Variants in ZBTB7C observed in about 807,000 individuals in gnomAD.
The protein encoded by ZBTB7C is zinc finger and BTB domain-containing protein 7C.
Under a neutral mutation model 25.7 loss-of-function variants are expected in ZBTB7C, and 8 were observed. The observed-to-expected ratio is 0.31, with a 90% CI of 0.18 to 0.56. The LOEUF (loss-of-function observed/expected upper bound fraction) is 0.56, where lower values mean the gene tolerates loss of function less well. ZBTB7C is among the 20% of genes least tolerant of loss of function. The probability of loss-of-function intolerance (pLI) is 0.91; values close to 1 mark genes in which losing one functional copy is unlikely to be tolerated. For missense variants in ZBTB7C, 824 were observed against 855.2 expected (o/e 0.96, Z 0.46); for synonymous variants, 394 against 369.0 (o/e 1.07, Z -0.78).
intron 1 of ZBTB7C, among the ~76,000 whole-genome samples, chr18:48,365,458 C>G (rs1012334476): frequency 6.6e-6 from 1 of 152,196 alleles, no homozygotes; most frequent in Non-Finnish European, 1.5e-5. Flanking sequence ...CTCTGTCTGG[C>G]TAGTAGAGTG....
chr18:48,126,881 T>A (rs2039819013), intron 3 of ZBTB7C, among the ~76,000 whole-genome samples: 1 of 151,808 alleles, frequency 6.6e-6, no homozygotes, highest in African/African-American at 2.4e-5. Flanking sequence ...AGAGTGACCA[T>A]CTGCAGCCTT....
At chr18:48,140,844 T>C (rs770048169) in intron 3 of ZBTB7C, among the ~76,000 whole-genome samples, 3 of 152,086 alleles carry the variant, frequency 2.0e-5, no homozygotes, top group Non-Finnish European at 4.4e-5. Context: ...GTCTCCAAAA[T>C]AGAGCTCGAA....
At chr18:48,289,694 C>G (rs904245085) in intron 2 of ZBTB7C, among the ~76,000 whole-genome samples, 1 of 151,866 alleles carries the variant, frequency 6.6e-6, no homozygotes, top group Middle Eastern at 3.4e-3. Context: ...TAATTTGTAC[C>G]CCCATGGATT....
intron 3 of ZBTB7C, among the ~76,000 whole-genome samples, chr18:48,168,281 C>T (rs2041340139): frequency 6.6e-6 from 1 of 152,212 alleles, no homozygotes; most frequent in Non-Finnish European, 1.5e-5. Context: ...CCTGGGATCC[C>T]TGCACCAAAG....
chr18:48,224,804 C>T (rs956597259), intron 2 of ZBTB7C, among the ~76,000 whole-genome samples: 1 of 152,080 alleles, frequency 6.6e-6, no homozygotes, highest in Non-Finnish European at 1.5e-5. Flanking sequence ...TTGCATAGCT[C>T]TCAGGAAGCA....
chr18:48,146,569 C>T (rs4429360), intron 3 of ZBTB7C, among the ~76,000 whole-genome samples: 108,797 of 152,036 alleles, frequency 0.72, 39,312 homozygotes, highest in Admixed American at 0.8. Context: ...TAGATAATCC[C>T]GGCATGTGAC....
chr18:48,297,629 G>A (rs1373132221), intron 2 of ZBTB7C, among the ~76,000 whole-genome samples: 3 of 152,176 alleles, frequency 2.0e-5, no homozygotes, highest in Non-Finnish European at 2.9e-5. Context: ...GCTTGGCAGC[G>A]CTGCAGTGCC....
intron 3 of ZBTB7C, among the ~76,000 whole-genome samples, chr18:48,042,911 G>A (rs981794315): frequency 1.3e-5 from 2 of 152,146 alleles, no homozygotes; most frequent in Non-Finnish European, 2.9e-5. Flanking sequence ...CATAACAACT[G>A]CAATAAAAAT....
intron 1 of ZBTB7C, among the ~76,000 whole-genome samples, chr18:48,384,476 G>C (rs889585838): frequency 6.6e-6 from 1 of 152,166 alleles, no homozygotes; most frequent in African/African-American, 2.4e-5. Context: ...TAGAATAGAG[G>C]CTATTGGAGA....
intron 3 of ZBTB7C, among the ~76,000 whole-genome samples, chr18:48,181,883 G>A (rs1343176364): frequency 6.6e-6 from 1 of 152,164 alleles, no homozygotes; most frequent in Admixed American, 6.5e-5. Context: ...TGCCTTTATT[G>A]CTTATTCTGT....
chr18:48,041,746 T>TTA (rs1555679630), intron 3 of ZBTB7C, among the ~76,000 whole-genome samples: 5 of 149,608 alleles, frequency 3.3e-5, no homozygotes, highest in East Asian at 1.9e-4. Flanking sequence ...ATCCTTTTTT[T>TTA]AAAAAAAAAA....
At chr18:48,031,577 G>T (rs975927498) in intron 4 of ZBTB7C, among the ~76,000 whole-genome samples, 1 of 152,192 alleles carries the variant, frequency 6.6e-6, no homozygotes, top group Admixed American at 6.5e-5. Flanking sequence ...TCAAACTTAA[G>T]GATGCATTCG....
At chr18:48,205,036 C>T (rs1198954024) in intron 2 of ZBTB7C, among the ~76,000 whole-genome samples, 2 of 152,066 alleles carry the variant, frequency 1.3e-5, no homozygotes, top group African/African-American at 2.4e-5. Context: ...TTATATCTGC[C>T]TAGGGACCAA....
intron 2 of ZBTB7C, among the ~76,000 whole-genome samples, chr18:48,301,074 C>A (rs889904493): frequency 9.9e-5 from 15 of 152,150 alleles, no homozygotes; most frequent in Non-Finnish European, 4.4e-5. Context: ...TGTTGGGCAC[C>A]CAGGCACCTG....
At chr18:48,143,658 T>C (rs1041782086) in intron 3 of ZBTB7C, among the ~76,000 whole-genome samples, 1 of 152,174 alleles carries the variant, frequency 6.6e-6, no homozygotes, top group African/African-American at 2.4e-5. Flanking sequence ...CCTTGGGCCC[T>C]GTCTTTGGCC....
chr18:48,248,244 G>A (rs983700446), intron 2 of ZBTB7C, among the ~76,000 whole-genome samples: 2 of 152,162 alleles, frequency 1.3e-5, no homozygotes, highest in Admixed American at 1.3e-4. Context: ...CACCATGATT[G>A]TAATTTTCCT....
At chr18:48,200,856 G>T (rs1383554942) in intron 2 of ZBTB7C, among the ~76,000 whole-genome samples, 2 of 152,194 alleles carry the variant, frequency 1.3e-5, no homozygotes, top group Non-Finnish European at 2.9e-5. Context: ...CTTGGCCCAG[G>T]TCCCCACCTG....
At chr18:48,282,124 T>C (rs942155169) in intron 2 of ZBTB7C, among the ~76,000 whole-genome samples, 10 of 150,900 alleles carry the variant, frequency 6.6e-5, no homozygotes, top group Admixed American at 1.3e-4. Flanking sequence ...TGGAATACTA[T>C]GCAGCCATAA....
chr18:48,226,836 T>C (rs942352879), intron 2 of ZBTB7C, among the ~76,000 whole-genome samples: 1 of 152,000 alleles, frequency 6.6e-6, no homozygotes, highest in African/African-American at 2.4e-5. Flanking sequence ...CTGGTTAACA[T>C]GGTGAAACCC....
Sources: allele counts gnomAD v4.1 joint callset (sites outside exome capture counted in the v4.1 genomes callset), GRCh38; gene constraint gnomAD v4.1.1; transcripts MANE v1.5; gene names NCBI Gene and HGNC (gene_info 2026-07-23, HGNC 2026-07-21).